Variants in VEPH1 observed in about 807,000 individuals in gnomAD.
The protein encoded by VEPH1 is ventricular zone expressed PH domain containing 1.
A neutral mutation model predicts 85.2 loss-of-function variants in VEPH1; 80 were observed. That is an observed-to-expected ratio of 0.94 (90% CI 0.78 to 1.13). VEPH1 has a LOEUF of 1.13. VEPH1 is among the 50% of genes most tolerant of loss of function. VEPH1 has a pLI of 0.00. For synonymous variants in VEPH1, 297 were observed against 348.0 expected, an observed-to-expected ratio of 0.85 and a Z score of 1.63; for missense variants, 955 against 980.5, an observed-to-expected ratio of 0.97 and a Z score of 0.35.
chr3:157,384,702 C>A (rs1577519979), intron 6 of VEPH1, among the ~76,000 whole-genome samples: 1 of 152,194 alleles, frequency 6.6e-6, no homozygotes, highest in South Asian at 2.1e-4. Context: ...AGTATGAAAC[C>A]AAGCCAACCT....
At chr3:157,430,122 C>G (rs1274079350) in intron 4 of VEPH1, among the ~76,000 whole-genome samples, 1 of 152,196 alleles carries the variant, frequency 6.6e-6, no homozygotes, top group Non-Finnish European at 1.5e-5. Flanking sequence ...TGCCTACCAA[C>G]CAGATTTGTC....
chr3:157,451,340 A>G (rs991720023), intron 4 of VEPH1, among the ~76,000 whole-genome samples: 1 of 152,226 alleles, frequency 6.6e-6, no homozygotes, highest in African/African-American at 2.4e-5. Flanking sequence ...TTCCAATTAT[A>G]CCTTTAATCC....
At chr3:157,326,921 C>T (rs945929549) in intron 9 of VEPH1, among the ~76,000 whole-genome samples, 1 of 152,182 alleles carries the variant, frequency 6.6e-6, no homozygotes, top group African/African-American at 2.4e-5. Context: ...GTCACTCTTT[C>T]CTCTGTTATG....
chr3:157,424,787 G>C (rs574246925), intron 5 of VEPH1, among the ~76,000 whole-genome samples: 31 of 152,262 alleles, frequency 2.0e-4, no homozygotes, highest in African/African-American at 7.2e-4. Flanking sequence ...TGCTGTTAAG[G>C]ACATTCAGTT....
intron 9 of VEPH1, among the ~76,000 whole-genome samples, chr3:157,357,611 G>A (rs35567715): frequency 4.0e-5 from 6 of 151,898 alleles, no homozygotes; most frequent in Non-Finnish European, 8.8e-5. Context: ...TCCTGCCTCA[G>A]CCTCCTGAGT....
intron 5 of VEPH1, among the ~76,000 whole-genome samples, chr3:157,422,833 T>C (rs1255092894): frequency 7.2e-5 from 11 of 152,224 alleles, no homozygotes; most frequent in Admixed American, 2.0e-4. Flanking sequence ...TGGCAGTCCA[T>C]ACTCACATGA....
At chr3:157,286,531 C>T (rs368649384) in intron 12 of VEPH1, 26 bp downstream of exon 12, 3 of 1,587,842 alleles carry the variant, frequency 1.9e-6, no homozygotes, top group Middle Eastern at 3.3e-4. Flanking sequence ...ACAAATGGTT[C>T]TTAGCAGCAG....
intron 7 of VEPH1, among the ~76,000 whole-genome samples, chr3:157,380,749 T>C (rs903222248): frequency 2.0e-5 from 3 of 152,232 alleles, no homozygotes; most frequent in African/African-American, 7.2e-5. Flanking sequence ...TAAATATTTA[T>C]CTCATACTAG....
chr3:157,427,041 G>A (rs893345326), intron 5 of VEPH1, among the ~76,000 whole-genome samples: 15 of 151,058 alleles, frequency 9.9e-5, no homozygotes, highest in Admixed American at 2.6e-4. Context: ...AGGCTGGAGC[G>A]CAGTGCTGCA....
At chr3:157,404,091 T>C (rs1234765130) in intron 6 of VEPH1, among the ~76,000 whole-genome samples, 4 of 152,178 alleles carry the variant, frequency 2.6e-5, no homozygotes, top group Non-Finnish European at 5.9e-5. Context: ...TCTCTAGTTT[T>C]CCTGACCTCC....
intron 4 of VEPH1, chr3:157,437,768 G>T: frequency 6.7e-7 from 1 of 1,482,808 alleles, no homozygotes; most frequent in East Asian, 2.8e-5. Context: ...GACGCGGGCC[G>T]CAGGCTGGCG....
chr3:157,464,135 T>G (rs1736146621), intron 3 of VEPH1, among the ~76,000 whole-genome samples: 1 of 152,192 alleles, frequency 6.6e-6, no homozygotes, highest in African/African-American at 2.4e-5. Context: ...CTGTCCCTGC[T>G]CCCTTGACTT....
chr3:157,484,446 G>C (rs1336901879), intron 2 of VEPH1, among the ~76,000 whole-genome samples: 2 of 152,066 alleles, frequency 1.3e-5, no homozygotes. Context: ...GGACTACAGG[G>C]ACATGCCACT....
At chr3:157,350,631 A>G (rs1724759332) in intron 9 of VEPH1, among the ~76,000 whole-genome samples, 1 of 152,220 alleles carries the variant, frequency 6.6e-6, no homozygotes, top group Admixed American at 6.5e-5. Flanking sequence ...ACAACAGGAT[A>G]TTAACATCAA....
chr3:157,326,797 C>G (rs570596330), intron 9 of VEPH1, among the ~76,000 whole-genome samples: 1 of 152,158 alleles, frequency 6.6e-6, no homozygotes, highest in Non-Finnish European at 1.5e-5. Context: ...CAATGGTCAC[C>G]GCTGAAGATT....
rs1343829626 is a variant in VEPH1 at position 157,294,494 on chromosome 3, CT to C, written c.2011-7821del. ...ATGCATATTTAGCTAACTGTTGCCT[CT>C]ACAGCTGCACAGTGATTTAATGGTG... On this transcript the variant is annotated intron_variant, in intron 11 of 13. Transcript: ENST00000362010. 4.1e-4 allele frequency among the ~76,000 whole-genome samples: 63 copies of C among 152,374 alleles called. 2 individuals are homozygous for C. Among genetic ancestry groups the C allele is most frequent in the Non-Finnish European group, 1.0e-4 (7 of 68,046 alleles).
intron 9 of VEPH1, among the ~76,000 whole-genome samples, chr3:157,346,373 G>A (rs1724224170): frequency 6.6e-6 from 1 of 152,176 alleles, no homozygotes; most frequent in South Asian, 2.1e-4. Context: ...AAATGTGCTT[G>A]AGTTCAAAAG....
intron 9 of VEPH1, 158 bp downstream of exon 9, chr3:157,363,202 GAAAA>G (rs34308512): frequency 2.6e-5 from 12 of 466,700 alleles, no homozygotes; most frequent in Non-Finnish European, 3.7e-5. Context: ...CTTTTCTTGG[GAAAA>G]AAAAAAAAAA....
chr3:157,359,728 T>TAACA (rs1354850116), intron 9 of VEPH1, among the ~76,000 whole-genome samples: 1 of 152,230 alleles, frequency 6.6e-6, no homozygotes, highest in Non-Finnish European at 1.5e-5. Context: ...CCTATTCATT[T>TAACA]AACATAGTTT....
Sources: gnomAD v4.1 joint callset for allele counts (sites outside exome capture counted in the v4.1 genomes callset) on GRCh38, gnomAD v4.1.1 for gene constraint, MANE v1.5 for transcripts, NCBI Gene and HGNC (gene_info 2026-07-23, HGNC 2026-07-21) for gene names.